Variants in PTPN2 observed in about 807,000 individuals in gnomAD.
PTPN2 encodes the protein tyrosine-protein phosphatase non-receptor type 2.
Under a neutral mutation model 57.3 loss-of-function variants are expected in PTPN2, and 19 were observed. That is an observed-to-expected ratio of 0.33 (90% confidence interval 0.23 to 0.49). The LOEUF is 0.49. Among genes scored for constraint, PTPN2 ranks in the 20% least tolerant of loss-of-function variants. The pLI is 0.99. For missense variants in PTPN2, 358 were observed against 501.1 expected (o/e 0.71, Z 2.73); for synonymous variants, 153 against 164.9 (o/e 0.93, Z 0.55).
intron 5 of PTPN2, chr18:12,819,223 C>T (rs766119975): frequency 1.4e-6 from 2 of 1,426,176 alleles, no homozygotes; most frequent in South Asian, 2.7e-5. Flanking sequence ...CTTTTAGTGA[C>T]CTTTTAACAT....
chr18:12,834,424 C>T (rs2042779998), intron 3 of PTPN2, among the ~76,000 whole-genome samples: 1 of 151,948 alleles, frequency 6.6e-6, no homozygotes, highest in Non-Finnish European at 1.5e-5. Flanking sequence ...GAGGGTTGTC[C>T]TAAGGTTTAA....
chr18:12,873,719 G>T (rs1229307247), intron 1 of PTPN2, among the ~76,000 whole-genome samples: 1 of 152,228 alleles, frequency 6.6e-6, no homozygotes, highest in Non-Finnish European at 1.5e-5. Flanking sequence ...CCCCGTCTAG[G>T]AAGTGAGGAG....
intron 2 of PTPN2, among the ~76,000 whole-genome samples, chr18:12,843,222 T>G (rs897890698): frequency 3.3e-5 from 5 of 152,142 alleles, no homozygotes; most frequent in Non-Finnish European, 1.5e-5. Context: ...CCGACAGTCC[T>G]ATGATAAGGG....
intron 5 of PTPN2, among the ~76,000 whole-genome samples, chr18:12,824,848 G>A (rs2042392540): frequency 6.6e-6 from 1 of 152,156 alleles, no homozygotes; most frequent in South Asian, 2.1e-4. Context: ...CACTTTGGGA[G>A]GCCAAGGTGG....
rs182831177 is a variant in PTPN2 at position 12,873,304 on chromosome 18, T to C, written c.69+10769A>G. 5.5e-3 allele frequency among the ~76,000 whole-genome samples: 833 copies of C among 151,470 alleles called. 8 individuals are homozygous for C. Among genetic ancestry groups the C allele is most frequent in the Non-Finnish European group, 9.6e-3 (654 of 67,846 alleles). ...TCTCCGTCTCCCCACGGTCTCCCTC[T>C]CCCTCTCTTTCCACAGTCTCCCTCT... On this transcript the variant is annotated intron_variant, in intron 1 of 8. Transcript: ENST00000309660.
chr18:12,813,578 C>T (rs1453185356), intron 7 of PTPN2, among the ~76,000 whole-genome samples: 5 of 152,096 alleles, frequency 3.3e-5, no homozygotes, highest in African/African-American at 7.2e-5. Context: ...AAAAGACAGT[C>T]GATCTTCTTA....
chr18:12,790,627 A>G (rs190995390), downstream of PTPN2, among the ~76,000 whole-genome samples: 2 of 152,348 alleles, frequency 1.3e-5, no homozygotes, highest in Admixed American at 1.3e-4. Context: ...CATACAGTAA[A>G]CCATCAATAA....
chr18:12,789,967 C>G (rs916038568), downstream of PTPN2, among the ~76,000 whole-genome samples: 1 of 152,020 alleles, frequency 6.6e-6, no homozygotes. Flanking sequence ...CAAGTCTCCT[C>G]TACTGCCCAG....
intron 7 of PTPN2, among the ~76,000 whole-genome samples, chr18:12,807,490 T>C (rs956013837): frequency 2.0e-5 from 3 of 147,440 alleles, no homozygotes; most frequent in South Asian, 2.2e-4. Flanking sequence ...CTGTGCTTAT[T>C]GCAGCACTAT....
In PTPN2 at chr18:12,873,223, GA is replaced by G. The variant is rs1304947911; in HGVS notation, c.69+10849del. Among the ~76,000 whole-genome samples the G allele has an allele frequency of 9.9e-3, 1,248 of 126,616 alleles. 8 individuals are homozygous for G. Among genetic ancestry groups the G allele is most frequent in the African/African-American group, 0.017 (604 of 34,802 alleles). 83.1% of individuals were successfully genotyped at this position (126,616 alleles called of 152,430 possible). On this transcript the variant is annotated intron_variant, in intron 1 of 8. Transcript: ENST00000309660. Reference sequence around the variant, plus strand: ...TTGACAGAGTAAGACTCCGTCTCAAGAAAAAAAAAAAAAAGCCTCTCCCTCT... The same window carrying G: ...TTGACAGAGTAAGACTCCGTCTCAAGAAAAAAAAAAAAAGCCTCTCCCTCT...
At chr18:12,879,852 C>CA (rs1195968393) in intron 1 of PTPN2, among the ~76,000 whole-genome samples, 1 of 152,110 alleles carries the variant, frequency 6.6e-6, no homozygotes, top group South Asian at 2.1e-4. Flanking sequence ...TGAGCATTAC[C>CA]AAAAAAAGCA....
chr18:12,813,606 C>G (rs931897639), intron 7 of PTPN2, among the ~76,000 whole-genome samples: 3 of 152,224 alleles, frequency 2.0e-5, no homozygotes, highest in African/African-American at 4.8e-5. Flanking sequence ...CATCAACTTA[C>G]AGTATCTGCT....
intron 2 of PTPN2, among the ~76,000 whole-genome samples, chr18:12,841,298 C>T (rs995057594): frequency 2.0e-5 from 3 of 152,210 alleles, no homozygotes; most frequent in Non-Finnish European, 4.4e-5. Flanking sequence ...ACATTAAGGG[C>T]GGACCCTGAA....
At chr18:12,875,316 T>C (rs1366590131) in intron 1 of PTPN2, among the ~76,000 whole-genome samples, 1 of 107,026 alleles carries the variant, frequency 9.3e-6, no homozygotes, top group African/African-American at 5.2e-5. Flanking sequence ...AAAATAAAAA[T>C]TAAAAAAAAA....
chr18:12,790,000 A>G (rs2040943657), downstream of PTPN2, among the ~76,000 whole-genome samples: 1 of 152,062 alleles, frequency 6.6e-6, no homozygotes, highest in South Asian at 2.1e-4. Flanking sequence ...TGGCTCCATC[A>G]TAGTTCACTG....
At chr18:12,853,669 C>G (rs2043474110) in intron 2 of PTPN2, among the ~76,000 whole-genome samples, 1 of 151,912 alleles carries the variant, frequency 6.6e-6, no homozygotes, top group East Asian at 1.9e-4. Context: ...AAGAATATTT[C>G]AAAAAGGGAA....
chr18:12,816,029 C>G (rs192197050), intron 6 of PTPN2, among the ~76,000 whole-genome samples: 147 of 152,106 alleles, frequency 9.7e-4, no homozygotes, highest in Non-Finnish European at 1.8e-3. Context: ...TTGTGTCAAG[C>G]GTGGTGGCTC....
At position 12,794,228 on chromosome 18, in the gene PTPN2, G is replaced by A. The variant is rs765019210; in HGVS notation, c.*50C>T. The stretch of plus-strand genomic sequence containing the variant: ...CTGCAGACAAACCCCTATGATTAAT[G>A]TAGCACTGTCAGTTACTAGTGCAGA... On this transcript the variant is annotated 3_prime_UTR_variant, in exon 9 of 9. Coordinates refer to ENST00000309660, the MANE Select transcript of PTPN2 (RefSeq NM_002828.4). 1 of 1,610,906 alleles carries A rather than the reference G, an allele frequency of 6.2e-7. No homozygotes were observed. Among genetic ancestry groups the A allele is most frequent in the African/African-American group, 1.3e-5 (1 of 74,782 alleles).
At chr18:12,813,807 T>C (rs956157783) in intron 7 of PTPN2, among the ~76,000 whole-genome samples, 1 of 152,248 alleles carries the variant, frequency 6.6e-6, no homozygotes, top group African/African-American at 2.4e-5. Context: ...TGCTGGAATT[T>C]CATTATATCT....
Sources: gnomAD v4.1 joint callset for allele counts (sites outside exome capture counted in the v4.1 genomes callset) on GRCh38, gnomAD v4.1.1 for gene constraint, MANE v1.5 for transcripts, NCBI Gene and HGNC (gene_info 2026-07-23, HGNC 2026-07-21) for gene names.